Variants in EVA1C observed in about 807,000 individuals in gnomAD.
The protein encoded by EVA1C is eva-1 homolog C, also known as protein eva-1 homolog C.
In EVA1C, 25 loss-of-function variants were observed where a neutral mutation model predicts 45.4. The observed-to-expected ratio is 0.55, with a 90% confidence interval of 0.40 to 0.77. The LOEUF (loss-of-function observed/expected upper bound fraction) is 0.77, where lower values mean the gene tolerates loss of function less well. EVA1C is among the 30% of genes least tolerant of loss of function. EVA1C has a pLI of 0.00. For missense variants in EVA1C, 479 were observed against 554.8 expected (o/e 0.86, Z 1.37); for synonymous variants, 190 against 221.2 (o/e 0.86, Z 1.25).
chr21:32,461,148 T>G (rs944634360), intron 3 of EVA1C, among the ~76,000 whole-genome samples: 3 of 152,088 alleles, frequency 2.0e-5, no homozygotes, highest in African/African-American at 7.2e-5. Flanking sequence ...GAAAGAGTGC[T>G]CCATACGGAA....
chr21:32,425,769 C>T (rs140959348), intron 1 of EVA1C, among the ~76,000 whole-genome samples: 107 of 152,240 alleles, frequency 7.0e-4, no homozygotes, highest in African/African-American at 2.5e-3. Context: ...TCTCTGGAGG[C>T]AATTTTCTTT....
At chr21:32,445,978 TTA>T (rs1474394487) in intron 1 of EVA1C, among the ~76,000 whole-genome samples, 1 of 152,116 alleles carries the variant, frequency 6.6e-6, no homozygotes, top group East Asian at 1.9e-4. Flanking sequence ...GTGTGGTGGC[TTA>T]CACCTGTAAT....
intron 7 of EVA1C, among the ~76,000 whole-genome samples, chr21:32,514,194 C>A (rs1295139795): frequency 2.0e-5 from 3 of 152,054 alleles, no homozygotes; most frequent in Non-Finnish European, 2.9e-5. Context: ...ACCAGTCCCC[C>A]ACGGGTACCA....
chr21:32,496,187 C>A (rs1349177356), intron 5 of EVA1C, among the ~76,000 whole-genome samples: 2 of 152,218 alleles, frequency 1.3e-5, no homozygotes, highest in Non-Finnish European at 2.9e-5. Flanking sequence ...CAGGCAACCA[C>A]CCATCTACTT....
chr21:32,465,089 A>G (rs1457649178), intron 3 of EVA1C, among the ~76,000 whole-genome samples: 1 of 152,222 alleles, frequency 6.6e-6, no homozygotes, highest in Non-Finnish European at 1.5e-5. Context: ...AAATTACAAA[A>G]CAGTGTTTAT....
intron 4 of EVA1C, among the ~76,000 whole-genome samples, chr21:32,491,459 C>T (rs1351677703): frequency 2.6e-5 from 4 of 151,520 alleles, no homozygotes; most frequent in Admixed American, 6.6e-5. Context: ...GCGGCCGAGG[C>T]GGGTGGATCA....
At chr21:32,483,509 A>G (rs1289851457) in intron 4 of EVA1C, among the ~76,000 whole-genome samples, 1 of 152,160 alleles carries the variant, frequency 6.6e-6, no homozygotes, top group Non-Finnish European at 1.5e-5. Flanking sequence ...CTCCACTCCC[A>G]GGCAGTCAGG....
At chr21:32,436,071 T>C (rs1241365018) in intron 1 of EVA1C, among the ~76,000 whole-genome samples, 1 of 152,196 alleles carries the variant, frequency 6.6e-6, no homozygotes, top group Non-Finnish European at 1.5e-5. Context: ...TTTGTTTTTG[T>C]TTTTTCGCCT....
chr21:32,438,960 G>A (rs2035070454), intron 1 of EVA1C, among the ~76,000 whole-genome samples: 1 of 152,148 alleles, frequency 6.6e-6, no homozygotes, highest in South Asian at 2.1e-4. Flanking sequence ...TTGAAGCCAG[G>A]CTCGGTGGCT....
chr21:32,482,732 C>G (rs984447950), intron 4 of EVA1C, among the ~76,000 whole-genome samples: 9 of 152,212 alleles, frequency 5.9e-5, no homozygotes, highest in African/African-American at 2.2e-4. Context: ...CATTGCCACT[C>G]TCCTCTGAAG....
chr21:32,420,552 A>AT lies in EVA1C; in HGVS notation c.160+7547dup, dbSNP rs10717598. Among the ~76,000 whole-genome samples, 6 of 151,516 alleles carry AT rather than the reference A, an allele frequency of 4.0e-5. 1 individual carries two copies. The highest frequency in any genetic ancestry group is 3.4e-3 in the Middle Eastern group (1 of 292). The stretch of plus-strand genomic sequence containing the variant: ...AGTCACATGCCAGCAGGCCTAGCTA[A>AT]TTTTTTTTGGCATTTTTTTTTTGTA... On this transcript the variant is annotated intron_variant, in intron 1 of 7. Coordinates refer to ENST00000300255, the MANE Select transcript of EVA1C (RefSeq NM_058187.5).
At chr21:32,497,172 T>C in intron 5 of EVA1C, 2 of 795,292 alleles carry the variant, frequency 2.5e-6, no homozygotes, top group East Asian at 2.4e-5. Context: ...CCACTGAAGA[T>C]AGTATTTGGA....
intron 5 of EVA1C, among the ~76,000 whole-genome samples, chr21:32,499,378 T>C (rs1201358355): frequency 2.0e-5 from 3 of 152,186 alleles, no homozygotes; most frequent in African/African-American, 7.2e-5. Flanking sequence ...GGATCAGTGG[T>C]GTGCCCCAAG....
At chr21:32,453,209 T>C in intron 1 of EVA1C, 103 bp from the exon 2 acceptor site, 1 of 756,860 alleles carries the variant, frequency 1.3e-6, no homozygotes, top group East Asian at 2.7e-5. Context: ...ATGTTGTTGA[T>C]TGAACAGCCC....
At chr21:32,443,116 T>G (rs2035241230) in intron 1 of EVA1C, among the ~76,000 whole-genome samples, 1 of 152,068 alleles carries the variant, frequency 6.6e-6, no homozygotes, top group Non-Finnish European at 1.5e-5. Flanking sequence ...GGCTATGTAC[T>G]GGTCTCTGAG....
chr21:32,440,870 G>A (rs1292857044), intron 1 of EVA1C, among the ~76,000 whole-genome samples: 1 of 152,190 alleles, frequency 6.6e-6, no homozygotes, highest in East Asian at 1.9e-4. Context: ...GGAGGCCGAG[G>A]CGGGCAGATC....
intron 4 of EVA1C, among the ~76,000 whole-genome samples, chr21:32,491,105 G>A (rs185564873): frequency 2.0e-5 from 3 of 152,272 alleles, no homozygotes; most frequent in South Asian, 4.1e-4. Flanking sequence ...ACTGACTGCC[G>A]CCTGGGAGAT....
intron 7 of EVA1C, among the ~76,000 whole-genome samples, chr21:32,513,549 T>TTC (rs1207033468): frequency 9.0e-6 from 1 of 111,588 alleles, no homozygotes; most frequent in African/African-American, 4.4e-5. Flanking sequence ...TATTTTTCTT[T>TTC]TCTTTTTTTT....
chr21:32,449,290 G>A (rs1008283070), intron 1 of EVA1C, among the ~76,000 whole-genome samples: 1 of 152,238 alleles, frequency 6.6e-6, no homozygotes, highest in African/African-American at 2.4e-5. Context: ...TTGGACGTAT[G>A]GACAATGACG....
Sources: allele counts gnomAD v4.1 joint callset (sites outside exome capture counted in the v4.1 genomes callset), GRCh38; gene constraint gnomAD v4.1.1; transcripts MANE v1.5; gene names NCBI Gene and HGNC (gene_info 2026-07-23, HGNC 2026-07-21).